P4HA2: variants seen among roughly 807,000 people sequenced by gnomAD.
P4HA2 encodes prolyl 4-hydroxylase subunit alpha-2.
P4HA2 carries 46 observed loss-of-function variants against 76.9 expected under a neutral mutation model. The observed-to-expected ratio is 0.60, with a 90% CI of 0.47 to 0.76. The LOEUF (loss-of-function observed/expected upper bound fraction) is 0.76, where lower values mean the gene tolerates loss of function less well. P4HA2 is among the 30% of genes least tolerant of loss of function. The pLI is 0.00. For synonymous variants in P4HA2, 243 were observed against 254.0 expected (o/e 0.96, Z 0.41); for missense variants, 583 against 669.4 (o/e 0.87, Z 1.42).
intron 3 of P4HA2, 24 bp from the exon 4 acceptor site, chr5:132,217,372 G>A (rs771123912): frequency 1.9e-6 from 3 of 1,613,148 alleles, no homozygotes; most frequent in East Asian, 2.2e-5. Flanking sequence ...GGAAAAGGAA[G>A]ACTAATGCGT....
chr5:132,209,320 C>A lies in P4HA2; in HGVS notation c.721G>T (p.Glu241Ter), dbSNP rs769824324. The change falls in exon 7 of 15, where the codon GAA (glutamate) becomes TAA (stop). Residue 241 changes from glutamate (E) to a stop codon, truncating the protein, a stop_gained. Transcript: ENST00000360568. LOFTEE classifies it high-confidence loss of function. Reference protein sequence around the residue: ...RRLLSLDPSHERAGGNLRYFE... With the variant: ...RRLLSLDPSH Reference sequence around the variant, plus strand: ...TACCGCAGATTCCCTCCAGCTCGTTCGTGGCTTGGGTCTAGAAAATGCAAG... The same window carrying A: ...TACCGCAGATTCCCTCCAGCTCGTTAGTGGCTTGGGTCTAGAAAATGCAAG... 1 of 1,613,696 alleles carries A rather than the reference C, an allele frequency of 6.2e-7. No homozygotes were observed. The highest frequency in any genetic ancestry group is 8.5e-7 in the Non-Finnish European group (1 of 1,179,774).
At position 132,210,448 on chromosome 5, in the gene P4HA2, T is replaced by C. The variant is rs776240790; in HGVS notation, c.545A>G (p.Tyr182Cys). 5 of 1,614,126 alleles carry C rather than the reference T, an allele frequency of 3.1e-6. No individual in the cohort carries two copies. The highest frequency in any genetic ancestry group is 2.7e-5 in the African/African-American group (2 of 75,024). ...MGRSAYNEGD[Y>C]YHTVLWMEQV... ...CTCCATCCACAACACCGTATGATAA[T>C]AGTCCCCTTCATTGTAGGCCGAGCG... is the stretch of plus-strand genomic sequence containing the variant. Residue 182 changes from tyrosine (Y) to cysteine (C), a missense_variant, in exon 6 of 15, where the codon TAT (tyrosine) becomes TGT (cysteine). Tyr to Cys is a radical substitution (Grantham distance 194, BLOSUM62 -2). Transcript: ENST00000360568.
chr5:132,213,245 G>A (rs152047), intron 5 of P4HA2, among the ~76,000 whole-genome samples: 30,475 of 152,124 alleles, frequency 0.2, 3,119 homozygotes, highest in East Asian at 0.3. Context: ...CCAGCCAAGC[G>A]GCCACTGATG....
intron 7 of P4HA2, among the ~76,000 whole-genome samples, chr5:132,208,423 G>C: frequency 3.8e-5 from 1 of 26,634 alleles, no homozygotes; most frequent in East Asian, 1.4e-3. Flanking sequence ...AGGGGAGGGG[G>C]GGAGGGGAGG....
chr5:132,202,634 G>A (rs1253079975), intron 10 of P4HA2: 1 of 152,210 alleles, frequency 6.6e-6, no homozygotes, highest in Admixed American at 6.5e-5. Context: ...AGGGAACATA[G>A]CCAGTGCTGA....
chr5:132,207,687 A>G, intron 8 of P4HA2, 21 bp downstream of exon 8: 1 of 1,608,274 alleles, frequency 6.2e-7, no homozygotes, highest in African/African-American at 1.3e-5. Context: ...TGACCCGAGA[A>G]GGACCTACAG....
rs1753804710 is a variant in P4HA2 at position 132,215,941 on chromosome 5, CA to C, written c.331+1255del. On this transcript the variant is annotated intron_variant, in intron 4 of 14. Coordinates refer to ENST00000360568, the MANE Select transcript of P4HA2 (RefSeq NM_001017974.2). ...CTTTGGGAGGTGGAGATGGGTGGATCACGAGGTCAAGAGATCAAGAACATCC... is the reference window on the plus strand; with the variant it reads ...CTTTGGGAGGTGGAGATGGGTGGATCCGAGGTCAAGAGATCAAGAACATCC... Among the ~76,000 whole-genome samples, 7 of 148,388 alleles carry C rather than the reference CA, an allele frequency of 4.7e-5. No individual in the cohort carries two copies. The South Asian group carries it at 1.5e-3, about 32-fold the overall frequency.
chr5:132,217,079 G>A (rs2126617303), intron 4 of P4HA2, 118 bp downstream of exon 4: 1 of 932,476 alleles, frequency 1.1e-6, no homozygotes, highest in East Asian at 2.5e-5. Flanking sequence ...GCAGGGTCCT[G>A]TTTCCACAAT....
At chr5:132,193,770 C>G (rs185270938) in intron 14 of P4HA2, among the ~76,000 whole-genome samples, 83 of 152,300 alleles carry the variant, frequency 5.4e-4, no homozygotes, top group Middle Eastern at 3.4e-3. Flanking sequence ...CACGCCATAT[C>G]TTCAAACACA....
intron 12 of P4HA2, chr5:132,195,748 A>C (rs995345418): frequency 1.9e-6 from 1 of 525,988 alleles, no homozygotes. Context: ...CCTGGATGAA[A>C]ATAATCTGAG....
At chr5:132,212,513 G>A (rs965916735) in intron 5 of P4HA2, among the ~76,000 whole-genome samples, 1 of 152,114 alleles carries the variant, frequency 6.6e-6, no homozygotes, top group Non-Finnish European at 1.5e-5. Context: ...AGAAGGATGA[G>A]GGGGAAGGTA....
chr5:132,208,397 G>GA (rs1400908737), intron 7 of P4HA2, among the ~76,000 whole-genome samples: 1 of 14,004 alleles, frequency 7.1e-5, no homozygotes, highest in African/African-American at 2.0e-4. Context: ...GGGGAGGGGA[G>GA]GGGGAGGGGA....
At chr5:132,209,462 T>A in intron 6 of P4HA2, 131 bp from the exon 7 acceptor site, 1 of 765,826 alleles carries the variant, frequency 1.3e-6, no homozygotes, top group Non-Finnish European at 2.1e-6. Flanking sequence ...CCACAGCATC[T>A]AACCAGAGTA....
Position 132,191,647 on chromosome 5 carries a change from T to TAAG in P4HA2, c.*1362_*1363insCTT, listed in dbSNP as rs201475427. Reference sequence around the variant, plus strand: ...TAAATACTGGAAAAGATTGGGGTAATAACTCTCATTTACTCCTGGTGAGAA... The same window carrying TAAG: ...TAAATACTGGAAAAGATTGGGGTAATAAGAACTCTCATTTACTCCTGGTGAGAA... On this transcript the variant is annotated 3_prime_UTR_variant, in exon 15 of 15. Coordinates refer to ENST00000360568, the MANE Select transcript of P4HA2 (RefSeq NM_001017974.2). Among the ~76,000 whole-genome samples, 4,508 of 151,734 alleles carry TAAG rather than the reference T, an allele frequency of 0.03. 224 individuals are homozygous for TAAG. The highest frequency in any genetic ancestry group is 0.1 in the African/African-American group (4,135 of 41,330).
chr5:132,195,660 G>A, intron 12 of P4HA2, 180 bp from the exon 13 acceptor site: 1 of 630,086 alleles, frequency 1.6e-6, no homozygotes, highest in South Asian at 1.8e-5. Context: ...TACTTAACCA[G>A]TGTGATTCAT....
chr5:132,215,976 A>G (rs757349195), intron 4 of P4HA2, among the ~76,000 whole-genome samples: 2 of 150,852 alleles, frequency 1.3e-5, no homozygotes, highest in East Asian at 1.9e-4. Context: ...CCTAGCCAAC[A>G]TGGTGAAACC....
intron 3 of P4HA2, 72 bp downstream of exon 3, chr5:132,217,680 G>T (rs554460607): frequency 1.5e-5 from 14 of 964,856 alleles, no homozygotes; most frequent in Non-Finnish European, 2.2e-5. Flanking sequence ...AGGCACCCTG[G>T]ATGGCTTCCT....
In P4HA2 at chr5:132,191,169, C is replaced by T. The variant is rs139354462; in HGVS notation, c.*1841G>A. Among the ~76,000 whole-genome samples, 678 of 152,292 alleles carry T rather than the reference C, an allele frequency of 4.5e-3. 12 individuals are homozygous for T. Among genetic ancestry groups the T allele is most frequent in the Non-Finnish European group, 2.8e-3 (193 of 68,018 alleles). On this transcript the variant is annotated 3_prime_UTR_variant, in exon 15 of 15. Coordinates refer to ENST00000360568, the MANE Select transcript of P4HA2 (RefSeq NM_001017974.2). ...CCCACTCACGTGGGCTCCATGCTTA[C>T]GACCTCCCAAGGGCTCCGCATCCTA...
At chr5:132,226,854 G>A (rs992202978) in intron 1 of P4HA2, 1 of 152,658 alleles carries the variant, frequency 6.6e-6, no homozygotes, top group African/African-American at 2.4e-5. Flanking sequence ...ATCCCCTACA[G>A]TGTTCCTTCC....
Sources: gnomAD v4.1 joint callset for allele counts (sites outside exome capture counted in the v4.1 genomes callset) on GRCh38, gnomAD v4.1.1 for gene constraint, MANE v1.5 for transcripts, NCBI Gene and HGNC (gene_info 2026-07-23, HGNC 2026-07-21) for gene names.